Variants in TOM1L2 observed in about 807,000 individuals in gnomAD.
TOM1L2 encodes target of myb1 like 2 membrane trafficking protein, also known as TOM1-like protein 2.
Under a neutral mutation model 67.9 loss-of-function variants are expected in TOM1L2, and 31 were observed. The ratio of observed to expected loss-of-function variants is 0.46; its 90% CI spans 0.34 to 0.62. The LOEUF is 0.62. Ranked by LOEUF, TOM1L2 falls within the 20% of genes least tolerant of loss-of-function variation. TOM1L2 has a pLI of 0.01. For synonymous variants in TOM1L2, 256 were observed against 254.0 expected, an observed-to-expected ratio of 1.01 and a Z score of -0.07; for missense variants, 606 against 663.5, an observed-to-expected ratio of 0.91 and a Z score of 0.95.
chr17:17,910,695 G>A (rs1391615494), intron 1 of TOM1L2, among the ~76,000 whole-genome samples: 2 of 151,950 alleles, frequency 1.3e-5, no homozygotes, highest in African/African-American at 2.4e-5. Flanking sequence ...TCAGCCTCCC[G>A]AGTAGCTGGG....
At chr17:17,866,474 G>T in intron 9 of TOM1L2, 55 bp from the exon 10 acceptor site, 1 of 1,512,996 alleles carries the variant, frequency 6.6e-7, no homozygotes, top group East Asian at 2.4e-5. Flanking sequence ...CAGGCTCTGA[G>T]GTAGAAGCTG....
chr17:17,848,955 T>A (rs1598166201), intron 13 of TOM1L2, 96 bp from the exon 14 acceptor site: 15 of 1,257,818 alleles, frequency 1.2e-5, no homozygotes, highest in Non-Finnish European at 1.7e-5. Flanking sequence ...AGGACAGCAC[T>A]GCCCAGGGTA....
chr17:17,866,985 G>A, intron 8 of TOM1L2, 61 bp from the exon 9 acceptor site: 1 of 1,517,040 alleles, frequency 6.6e-7, no homozygotes, highest in Non-Finnish European at 9.2e-7. Flanking sequence ...GGCCCTGTGG[G>A]GTGCTCACTA....
intron 5 of TOM1L2, among the ~76,000 whole-genome samples, chr17:17,884,311 C>T (rs571576452): frequency 6.6e-6 from 1 of 152,254 alleles, no homozygotes; most frequent in African/African-American, 2.4e-5. Context: ...AACAGGATTC[C>T]CACACCAGAT....
At chr17:17,920,044 A>C (rs1465036800) in intron 1 of TOM1L2, among the ~76,000 whole-genome samples, 2 of 152,128 alleles carry the variant, frequency 1.3e-5, no homozygotes, top group South Asian at 2.1e-4. Flanking sequence ...GAGGCAAAGA[A>C]GACCCTGGCC....
rs771961539 is a variant in TOM1L2 at position 17,907,483 on chromosome 17, A to G, written c.101T>C (p.Met34Thr). Residue 34 changes from methionine (M) to threonine (T), a missense_variant, in exon 2 of 15, where the codon ATG becomes ACG. Around this residue, in one of 2 missense-constraint regions of TOM1L2, gnomAD observed 63 missense variants for 109.5 expected, o/e 0.58. Coordinates refer to ENST00000379504, the MANE Select transcript of TOM1L2 (RefSeq NM_001082968.2). Reference sequence around the variant, plus strand: ...CTCATTGATGATGTCACAGATCTCCATATTCAACGTCCAATCCTCACTTTG... The same window carrying G: ...CTCATTGATGATGTCACAGATCTCCGTATTCAACGTCCAATCCTCACTTTG... ...SLQSEDWTLNMEICDIINETE... is the reference protein window; with the variant it reads ...SLQSEDWTLNTEICDIINETE... The G allele has an allele frequency of 6.2e-7, 1 of 1,614,100 alleles. No homozygotes were observed. Among genetic ancestry groups the G allele is most frequent in the South Asian group, 1.1e-5 (1 of 91,082 alleles).
rs1392169333 is a variant in TOM1L2, at chr17:17,844,504, GGACA to G, written c.*3127_*3130del. 6.6e-6 allele frequency: 1 copy of G among 152,330 alleles called. No individual in the cohort carries two copies. The highest frequency in any genetic ancestry group is 1.5e-5 in the Non-Finnish European group (1 of 68,098). The allele number at this position is 152,330 out of a possible 1,614,324, so 9.4% of individuals were successfully genotyped here. ...TGGAGGCGCTAATAGAAAGACAGGA[GGACA>G]GACGGATGGTCACCTTTCCCTCTAG... On this transcript the variant is annotated 3_prime_UTR_variant, in exon 15 of 15. Coordinates refer to ENST00000379504, the MANE Select transcript of TOM1L2 (RefSeq NM_001082968.2).
intron 12 of TOM1L2, among the ~76,000 whole-genome samples, chr17:17,856,478 G>C (rs534245342): frequency 3.3e-5 from 5 of 152,218 alleles, no homozygotes. Flanking sequence ...TTGCTCCCAC[G>C]GCTCTGGGTG....
chr17:17,848,570 T>A (rs1444849811), intron 14 of TOM1L2, among the ~76,000 whole-genome samples: 3 of 152,254 alleles, frequency 2.0e-5, no homozygotes, highest in African/African-American at 7.2e-5. Context: ...CTGCACCCGC[T>A]ATTCACCAGC....
rs942852233 is a variant in TOM1L2, at chr17:17,851,312, G to A, written c.1279-360C>T. On this transcript the variant is annotated intron_variant, in intron 12 of 14. Coordinates refer to ENST00000379504, the MANE Select transcript of TOM1L2 (RefSeq NM_001082968.2). ...AAACACCTTCTAACTTCAGGAAGGC[G>A]CTGCCACGCAGGCTGATTTTGAACT... 16 of 344,710 alleles carry A rather than the reference G, an allele frequency of 4.6e-5. No individual in the cohort carries two copies. The East Asian group carries it at 7.0e-4, about 15-fold the overall frequency. The allele number at this position is 344,710 out of a possible 1,614,324, so 21.4% of individuals were successfully genotyped here.
intron 1 of TOM1L2, among the ~76,000 whole-genome samples, chr17:17,961,157 C>G (rs2041661526): frequency 6.6e-6 from 1 of 151,948 alleles, no homozygotes; most frequent in Admixed American, 6.6e-5. Flanking sequence ...ATACAAATGG[C>G]CAACAAGCAC....
At chr17:17,920,816 G>A (rs1428811051) in intron 1 of TOM1L2, among the ~76,000 whole-genome samples, 1 of 150,956 alleles carries the variant, frequency 6.6e-6, no homozygotes, top group African/African-American at 2.4e-5. Context: ...TGTATTTTTA[G>A]TAGAGACGGG....
At chr17:17,908,758 G>A (rs1388195233) in intron 1 of TOM1L2, among the ~76,000 whole-genome samples, 2 of 152,156 alleles carry the variant, frequency 1.3e-5, no homozygotes, top group East Asian at 1.9e-4. Context: ...CACCCATTAG[G>A]ATGGCTACTA....
intron 1 of TOM1L2, among the ~76,000 whole-genome samples, chr17:17,963,816 A>T (rs1255333467): frequency 2.0e-5 from 3 of 152,244 alleles, no homozygotes; most frequent in Admixed American, 2.0e-4. Context: ...ACACAAGATA[A>T]ATAACAACAG....
At chr17:17,967,676 C>T (rs751774414) in intron 1 of TOM1L2, among the ~76,000 whole-genome samples, 1 of 152,176 alleles carries the variant, frequency 6.6e-6, no homozygotes, top group Non-Finnish European at 1.5e-5. Flanking sequence ...GGCACGATCT[C>T]GGCTCACTGC....
In TOM1L2 at chr17:17,846,764, T is replaced by A. The variant is rs1332315078; in HGVS notation, c.*871A>T. On this transcript the variant is annotated 3_prime_UTR_variant, in exon 15 of 15. Coordinates refer to ENST00000379504, the MANE Select transcript of TOM1L2 (RefSeq NM_001082968.2). ...GGCCCATGTGCACATCTGTGACACTTCCCCAGGCAAGCCAGAGCAATACCT... is the reference window on the plus strand; with the variant it reads ...GGCCCATGTGCACATCTGTGACACTACCCCAGGCAAGCCAGAGCAATACCT... 6.6e-6 allele frequency: 1 copy of A among 152,430 alleles called. No individual in the cohort carries two copies. Among genetic ancestry groups the A allele is most frequent in the Non-Finnish European group, 1.5e-5 (1 of 68,214 alleles). The allele number at this position is 152,430 out of a possible 1,614,324, so 9.4% of individuals were successfully genotyped here.
chr17:17,888,739 C>CA (rs1368438721), intron 4 of TOM1L2, among the ~76,000 whole-genome samples: 1 of 152,202 alleles, frequency 6.6e-6, no homozygotes, highest in African/African-American at 2.4e-5. Context: ...GAGGCATGAC[C>CA]ACACTGAGGT....
chr17:17,958,198 A>G (rs2041542319), intron 1 of TOM1L2, among the ~76,000 whole-genome samples: 1 of 152,194 alleles, frequency 6.6e-6, no homozygotes, highest in Admixed American at 6.5e-5. Context: ...CTTCAAAACA[A>G]ACGAACGAAC....
intron 10 of TOM1L2, among the ~76,000 whole-genome samples, chr17:17,865,770 T>C (rs1165133168): frequency 2.5e-5 from 3 of 119,814 alleles, no homozygotes; most frequent in East Asian, 2.5e-4. Context: ...TTTGAGACAG[T>C]GTCTTGCTCT....
Sources: gnomAD v4.1 joint callset for allele counts (sites outside exome capture counted in the v4.1 genomes callset) on GRCh38, gnomAD v4.1.1 for gene constraint, gnomAD v4.1.1 regional missense constraint, MANE v1.5 for transcripts, NCBI Gene and HGNC (gene_info 2026-07-23, HGNC 2026-07-21) for gene names.